The following DMD variants were observed in gnomAD, a reference collection of about 807,000 sequenced individuals.
DMD encodes the protein dystrophin.
A neutral mutation model predicts 330.1 loss-of-function variants in DMD; 63 were observed. The observed-to-expected ratio is 0.19, with a 90% CI of 0.16 to 0.24. DMD has a LOEUF of 0.24. Among genes scored for constraint, DMD ranks in the 10% least tolerant of loss-of-function variants. DMD has a pLI of 1.00. For missense variants in DMD, 3,344 were observed against 2,684.1 expected (o/e 1.25, Z -5.43); for synonymous variants, 1,223 against 959.8 (o/e 1.27, Z -5.07).
chrX:31,646,971 A>G (rs1421145553), intron 54 of DMD, among the ~76,000 whole-genome samples: 2 of 112,148 alleles, frequency 1.8e-5, no homozygotes, highest in Admixed American at 9.5e-5. Context: ...CAGGGAGCCC[A>G]GTCTAAGTTA....
rs911459136 is a variant in DMD, at chrX:31,147,642, C to A, written c.10554-124G>T. The A allele has an allele frequency of 7.4e-5, 37 of 496,728 alleles. No homozygotes were observed. In the African/African-American group the frequency reaches 9.1e-4, roughly 12 times the overall value. 40.9% of individuals were successfully genotyped at this position (496,728 alleles called of 1,213,427 possible). A position where few individuals can be genotyped will look rare whatever the true frequency, so the allele number is the denominator to read the frequency against. On this transcript the variant is annotated intron_variant, in intron 74 of 78. Coordinates refer to ENST00000357033, the MANE Select transcript of DMD (RefSeq NM_004006.3). ...GGTAGATAGATGCATCTGACTGCCACCGAAGAACAGCAAGCAAAAGAGGCA... is the reference window on the plus strand; with the variant it reads ...GGTAGATAGATGCATCTGACTGCCAACGAAGAACAGCAAGCAAAAGAGGCA...
At chrX:32,331,522 T>C (rs1351226145) in intron 41 of DMD, among the ~76,000 whole-genome samples, 3 of 111,825 alleles carry the variant, frequency 2.7e-5, no homozygotes, top group African/African-American at 9.7e-5. Flanking sequence ...CAATATTTCC[T>C]GAAGAATGTG....
intron 1 of DMD, among the ~76,000 whole-genome samples, chrX:33,035,187 T>C (rs190216385): frequency 9.0e-6 from 1 of 111,592 alleles, no homozygotes; most frequent in East Asian, 2.8e-4. Context: ...AGACCTGTTT[T>C]TATTATTTTT....
chrX:32,964,254 T>TTAAAAAAAAAAAAAAAA (rs1169366950), intron 2 of DMD, among the ~76,000 whole-genome samples: 1 of 43,342 alleles, frequency 2.3e-5, no homozygotes, highest in Non-Finnish European at 3.7e-5. Flanking sequence ...AGACTCCATC[T>TTAAAAAAAAAAAAAAAA]CAAAAAAAAA....
intron 55 of DMD, among the ~76,000 whole-genome samples, chrX:31,588,155 T>A (rs2076697547): frequency 8.9e-6 from 1 of 112,007 alleles, no homozygotes; most frequent in Admixed American, 9.5e-5. Context: ...TTATAATGTT[T>A]TTAAAAAATT....
At chrX:32,498,337 A>G (rs1169980739) in intron 19 of DMD, among the ~76,000 whole-genome samples, 1 of 112,130 alleles carries the variant, frequency 8.9e-6, no homozygotes, top group Non-Finnish European at 1.9e-5. Flanking sequence ...TGTTAGTTCA[A>G]ACAAAAAATA....
intron 1 of DMD, among the ~76,000 whole-genome samples, chrX:33,085,004 G>A (rs1342293888): frequency 1.8e-5 from 2 of 111,006 alleles, no homozygotes; most frequent in Non-Finnish European, 3.8e-5. Context: ...GGGGTGGTGA[G>A]TTAATTGTTA....
intron 53 of DMD, among the ~76,000 whole-genome samples, chrX:31,663,901 A>G (rs1277941288): frequency 8.9e-6 from 1 of 111,994 alleles, no homozygotes; most frequent in Non-Finnish European, 1.9e-5. Flanking sequence ...TCTCCAATTC[A>G]TGAAAATCAG....
intron 30 of DMD, among the ~76,000 whole-genome samples, chrX:32,397,003 T>G (rs919287669): frequency 6.3e-5 from 7 of 111,511 alleles, no homozygotes; most frequent in African/African-American, 2.3e-4. Flanking sequence ...TTGAAACTTC[T>G]GGGAAGAACA....
At chrX:31,927,034 T>A (rs993912701) in intron 47 of DMD, among the ~76,000 whole-genome samples, 2 of 112,011 alleles carry the variant, frequency 1.8e-5, no homozygotes, top group Non-Finnish European at 3.8e-5. Flanking sequence ...CTTTTACTTT[T>A]AAAAAAACTT....
intron 53 of DMD, 65 bp from the exon 54 acceptor site, chrX:31,658,209 T>C (rs1041579949): frequency 4.4e-6 from 5 of 1,128,466 alleles, no homozygotes; most frequent in South Asian, 1.8e-5. Context: ...AGTTGGAGTG[T>C]CTTAAAATAC....
intron 7 of DMD, among the ~76,000 whole-genome samples, chrX:32,758,889 C>CA (rs1279251127): frequency 1.8e-5 from 2 of 111,808 alleles, no homozygotes. Context: ...ACAAACAAAA[C>CA]AGACATGTAA....
chrX:32,462,909 G>A (rs989426861), intron 25 of DMD, among the ~76,000 whole-genome samples: 1 of 110,973 alleles, frequency 9.0e-6, no homozygotes, highest in Non-Finnish European at 1.9e-5. Flanking sequence ...GCAGTGAGCC[G>A]AGTTCACACC....
chrX:32,485,316 T>A (rs1569564733), intron 20 of DMD, among the ~76,000 whole-genome samples: 1 of 111,285 alleles, frequency 9.0e-6, no homozygotes, highest in East Asian at 2.8e-4. Context: ...TCCTATATAA[T>A]GATATTTAAA....
Position 31,975,480 on chromosome X carries a change from A to C in DMD, c.6439-6966T>G, listed in dbSNP as rs149179676. Among the ~76,000 whole-genome samples the C allele has an allele frequency of 2.7e-3, 303 of 111,748 alleles. 3 individuals are homozygous for C. Among genetic ancestry groups the C allele is most frequent in the African/African-American group, 9.0e-3 (276 of 30,822 alleles). ...GCTGTGTTTTTCTCTCCATTTACTT[A>C]GATTTGCAAAGAAAACAAATTGGCC... On this transcript the variant is annotated intron_variant, in intron 44 of 78. Coordinates refer to ENST00000357033, the MANE Select transcript of DMD (RefSeq NM_004006.3).
At chrX:32,862,859 C>T (rs1297789099) in intron 2 of DMD, among the ~76,000 whole-genome samples, 1 of 110,704 alleles carries the variant, frequency 9.0e-6, no homozygotes, top group Non-Finnish European at 1.9e-5. Flanking sequence ...GCCTCCGCGT[C>T]CCTAGTAGCT....
intron 27 of DMD, among the ~76,000 whole-genome samples, chrX:32,444,337 C>A (rs1287085188): frequency 9.2e-6 from 1 of 108,398 alleles, no homozygotes; most frequent in African/African-American, 3.4e-5. Context: ...CTGATGGCAA[C>A]AATACAAAAA....
chrX:32,408,905 T>TATCC (rs1557338523), intron 30 of DMD, among the ~76,000 whole-genome samples: 1 of 104,814 alleles, frequency 9.5e-6, no homozygotes, highest in African/African-American at 3.8e-5. Flanking sequence ...TCTATCTATC[T>TATCC]ATCTATCCAT....
chrX:32,931,177 G>C (rs1010768726), intron 2 of DMD, among the ~76,000 whole-genome samples: 9 of 109,878 alleles, frequency 8.2e-5, no homozygotes, highest in Non-Finnish European at 1.7e-4. Flanking sequence ...GAAATTGTAT[G>C]TATTGCCTAT....
Sources: allele counts gnomAD v4.1 joint callset (sites outside exome capture counted in the v4.1 genomes callset), GRCh38; gene constraint gnomAD v4.1.1; transcripts MANE v1.5; gene names NCBI Gene and HGNC (gene_info 2026-07-23, HGNC 2026-07-21).